Variants in ZFYVE28 observed in about 807,000 individuals in gnomAD.
ZFYVE28 encodes zinc finger FYVE-type containing 28.
In ZFYVE28, 40 loss-of-function variants were observed where a neutral mutation model predicts 82.1. The ratio of observed to expected loss-of-function variants is 0.49; its 90% CI spans 0.38 to 0.63. The LOEUF is 0.63. ZFYVE28 is among the 30% of genes least tolerant of loss of function. The pLI is 0.00. For missense variants in ZFYVE28, 1,321 were observed against 1,242.1 expected (o/e 1.06, Z -0.96); for synonymous variants, 612 against 546.1 (o/e 1.12, Z -1.68).
rs1472057732 is a variant in ZFYVE28, at chr4:2,305,481, A to T, written c.859T>A (p.Cys287Ser). Reference protein sequence around the residue: ...EELHTLERNLCISQDVEFPIR... With the variant: ...EELHTLERNLSISQDVEFPIR... ...GGGAACTCCACGTCTTGGGAAATGC[A>T]GAGGTTCCGTTCCAGCGTGTGCAGC... The change falls in exon 8 of 13, where the codon TGC (cysteine) becomes AGC (serine). Residue 287 changes from cysteine (C) to serine (S), a missense_variant. By Grantham distance (112) the Cys-to-Ser change is moderately radical. Around this residue, in one of 2 missense-constraint regions of ZFYVE28, gnomAD observed 343 missense variants for 408.4 expected, o/e 0.84. Coordinates refer to ENST00000290974, the MANE Select transcript of ZFYVE28 (RefSeq NM_020972.3). 6.8e-6 allele frequency: 11 copies of T among 1,612,846 alleles called. No individual in the cohort carries two copies. The Admixed American group carries it at 1.7e-4, about 24-fold the overall frequency.
At chr4:2,373,195 T>C (rs1195409442) in intron 1 of ZFYVE28, among the ~76,000 whole-genome samples, 3 of 152,204 alleles carry the variant, frequency 2.0e-5, no homozygotes, top group African/African-American at 7.2e-5. Flanking sequence ...TTTTAAATAA[T>C]TTTTTATTAT....
chr4:2,361,382 G>A (rs530567873), intron 1 of ZFYVE28, among the ~76,000 whole-genome samples: 3 of 152,342 alleles, frequency 2.0e-5, no homozygotes, highest in African/African-American at 7.2e-5. Flanking sequence ...GGCTGCAGGT[G>A]GGAGGTGCGG....
At chr4:2,282,604 GC>G (rs139868088) in intron 8 of ZFYVE28, among the ~76,000 whole-genome samples, 212 of 152,330 alleles carry the variant, frequency 1.4e-3, no homozygotes, top group African/African-American at 4.7e-3. Flanking sequence ...CCATAGCAAA[GC>G]CCAAATGAAT....
chr4:2,366,782 G>A (rs935701368), intron 1 of ZFYVE28, among the ~76,000 whole-genome samples: 21 of 152,222 alleles, frequency 1.4e-4, no homozygotes, highest in African/African-American at 5.1e-4. Flanking sequence ...CTGGCTCTAG[G>A]AAGAGGCTGG....
intron 7 of ZFYVE28, among the ~76,000 whole-genome samples, chr4:2,319,814 G>T (rs1411003961): frequency 6.7e-6 from 1 of 148,990 alleles, no homozygotes; most frequent in Non-Finnish European, 1.5e-5. Flanking sequence ...GGGGACGGTG[G>T]GGATGGTGGG....
Position 2,289,456 on chromosome 4 carries a change from A to T in ZFYVE28, c.2051+14833T>A, listed in dbSNP as rs115149026. Among the ~76,000 whole-genome samples the T allele has an allele frequency of 9.1e-3, 1,386 of 152,276 alleles. 26 individuals carry two copies. The highest frequency in any genetic ancestry group is 0.032 in the African/African-American group (1,316 of 41,544). On this transcript the variant is annotated intron_variant, in intron 8 of 12. Coordinates refer to ENST00000290974, the MANE Select transcript of ZFYVE28 (RefSeq NM_020972.3). ...GCCTCCCCAAAGTGAGGGGGGTGGT[A>T]TGTGACAAAGGCTGAGGCCACTGGG...
At chr4:2,306,762 G>A (rs1716637907) in intron 7 of ZFYVE28, 1 of 152,172 alleles carries the variant, frequency 6.6e-6, no homozygotes, top group Admixed American at 6.5e-5. Flanking sequence ...TGTATTACTA[G>A]ATCTGGCAAC....
chr4:2,331,293 G>A (rs1018174259), intron 6 of ZFYVE28, among the ~76,000 whole-genome samples: 21 of 152,040 alleles, frequency 1.4e-4, no homozygotes, highest in Admixed American at 1.3e-3. Context: ...ATGGGGACTG[G>A]GAAGTGACCA....
intron 8 of ZFYVE28, among the ~76,000 whole-genome samples, chr4:2,275,162 C>T (rs188469034): frequency 5.3e-5 from 8 of 152,254 alleles, no homozygotes; most frequent in Non-Finnish European, 7.3e-5. Flanking sequence ...CCGTGGATGC[C>T]CTTGGAGGCT....
chr4:2,350,637 G>A (rs974725538), intron 2 of ZFYVE28, among the ~76,000 whole-genome samples: 1 of 152,174 alleles, frequency 6.6e-6, no homozygotes, highest in Non-Finnish European at 1.5e-5. Context: ...TCCCTGGGAA[G>A]ATCAACGCAT....
chr4:2,351,120 C>T (rs1401426510), intron 2 of ZFYVE28, among the ~76,000 whole-genome samples: 1 of 152,148 alleles, frequency 6.6e-6, no homozygotes, highest in Non-Finnish European at 1.5e-5. Flanking sequence ...GAATGGGGGG[C>T]CGTCTTGTGG....
intron 2 of ZFYVE28, among the ~76,000 whole-genome samples, chr4:2,347,653 C>T (rs1203529324): frequency 1.3e-5 from 2 of 152,106 alleles, no homozygotes; most frequent in African/African-American, 4.8e-5. Context: ...AACTAAATAA[C>T]ACACTTTTAA....
chr4:2,303,268 G>C (rs879898489), intron 8 of ZFYVE28, among the ~76,000 whole-genome samples: 6 of 152,272 alleles, frequency 3.9e-5, no homozygotes, highest in Non-Finnish European at 8.8e-5. Context: ...CCGAGCACGG[G>C]AAGAAGGAGG....
chr4:2,355,036 C>T (rs1274417972), intron 1 of ZFYVE28, among the ~76,000 whole-genome samples: 1 of 151,124 alleles, frequency 6.6e-6, no homozygotes, highest in Non-Finnish European at 1.5e-5. Context: ...CCACCACACG[C>T]CCCAACCCCG....
chr4:2,378,137 C>T lies in ZFYVE28; in HGVS notation c.40-24064G>A, dbSNP rs369476080. ...GGCGGATCATTTGAGGTCAGGAGTTCGAGACCAGCCTGGCCAACATGGTGA... is the reference window on the plus strand; with the variant it reads ...GGCGGATCATTTGAGGTCAGGAGTTTGAGACCAGCCTGGCCAACATGGTGA... On this transcript the variant is annotated intron_variant, in intron 1 of 12. Transcript: ENST00000290974. Among the ~76,000 whole-genome samples the T allele has an allele frequency of 3.9e-5, 6 of 152,138 alleles. No homozygotes were observed. In the South Asian group the frequency reaches 1.0e-3, roughly 26 times the overall value.
At position 2,339,323 on chromosome 4, in the gene ZFYVE28, C is replaced by A. The variant is rs552519456; in HGVS notation, c.521+130G>T. On this transcript the variant is annotated intron_variant, in intron 4 of 12. Coordinates refer to ENST00000290974, the MANE Select transcript of ZFYVE28 (RefSeq NM_020972.3). The surrounding 1 kb of genome is among the most constrained non-coding windows in gnomAD (Gnocchi z 5.0). ...TCCAGGGCTTAACCCCACCCACAGGCGGCCCTGAACCTGCCTGGCTCCTCC... is the reference window on the plus strand; with the variant it reads ...TCCAGGGCTTAACCCCACCCACAGGAGGCCCTGAACCTGCCTGGCTCCTCC... 17 of 1,015,320 alleles carry A rather than the reference C, an allele frequency of 1.7e-5. No homozygotes were observed. The African/African-American group carries it at 2.1e-4, about 13-fold the overall frequency. 62.9% of individuals were successfully genotyped at this position (1,015,320 alleles called of 1,614,324 possible).
intron 1 of ZFYVE28, among the ~76,000 whole-genome samples, chr4:2,396,842 G>A (rs898534882): frequency 3.3e-5 from 5 of 152,250 alleles, no homozygotes; most frequent in African/African-American, 9.6e-5. Context: ...GACAGCTGGG[G>A]GAGGGTACCT....
chr4:2,273,680 A>G (rs921577416), intron 9 of ZFYVE28, among the ~76,000 whole-genome samples: 20 of 151,950 alleles, frequency 1.3e-4, no homozygotes, highest in African/African-American at 3.4e-4. Flanking sequence ...CCACTCAGGC[A>G]TCCAAATGTG....
intron 1 of ZFYVE28, among the ~76,000 whole-genome samples, chr4:2,366,452 AC>A (rs1490598800): frequency 3.3e-5 from 5 of 152,134 alleles, no homozygotes; most frequent in African/African-American, 1.2e-4. Flanking sequence ...AGTTCCCTGC[AC>A]CTGCTGTCTC....
Sources: gnomAD v4.1 joint callset for allele counts (sites outside exome capture counted in the v4.1 genomes callset) on GRCh38, gnomAD v4.1.1 for gene constraint, gnomAD v4.1.1 regional missense constraint, Gnocchi (gnomAD v3.1) non-coding constraint, MANE v1.5 for transcripts, NCBI Gene and HGNC (gene_info 2026-07-23, HGNC 2026-07-21) for gene names.